Variants in CACNA1A observed in about 807,000 individuals in gnomAD.
CACNA1A encodes the protein voltage-dependent P/Q-type calcium channel subunit alpha-1A.
A neutral mutation model predicts 262.4 loss-of-function variants in CACNA1A; 57 were observed. The ratio of observed to expected loss-of-function variants is 0.22; its 90% CI spans 0.18 to 0.27. CACNA1A has a LOEUF of 0.27. Among genes scored for constraint, CACNA1A ranks in the 10% least tolerant of loss-of-function variants. CACNA1A has a pLI of 1.00. For synonymous variants in CACNA1A, 1,431 were observed against 1,419.3 expected (o/e 1.01, Z -0.18); for missense variants, 2,526 against 3,562.8 (o/e 0.71, Z 7.41).
intron 22 of CACNA1A, among the ~76,000 whole-genome samples, chr19:13,281,774 A>G (rs895698773): frequency 3.9e-5 from 6 of 152,204 alleles, no homozygotes; most frequent in Admixed American, 6.5e-5. Flanking sequence ...ATGGGGCCAC[A>G]GTGTTCTTGT....
chr19:13,299,801 G>C (rs550016120), intron 18 of CACNA1A, among the ~76,000 whole-genome samples: 1 of 152,218 alleles, frequency 6.6e-6, no homozygotes, highest in Admixed American at 6.5e-5. Context: ...TAGGTGAGCA[G>C]TCCCCAACCT....
intron 24 of CACNA1A, among the ~76,000 whole-genome samples, chr19:13,264,228 C>CCAT (rs2056810385): frequency 6.6e-6 from 1 of 152,094 alleles, no homozygotes; most frequent in South Asian, 2.1e-4. Context: ...CACTCATGAC[C>CCAT]CATCCAGTTG....
In CACNA1A at chr19:13,207,559, GC is replaced by G; in HGVS notation, c.7274del (p.Gly2425AlafsTer183). On this transcript the variant is annotated frameshift_variant, in exon 47 of 47. Coordinates refer to ENST00000360228, the MANE Select transcript of CACNA1A (RefSeq NM_001127222.2). LOFTEE classifies it high-confidence loss of function. This position sits in a 1 kb window ranked among gnomAD's most constrained non-coding sequence, Gnocchi z 5.7. ...AGGCCCCGGCCATGGCCTCCTCGCC[GC>G]CCCCGCTGCCCGGGCCATCGGCCTC... ...YDEADGPGSG[G>X]GEEAMAGAYD... The G allele has an allele frequency of 3.4e-6, 5 of 1,464,438 alleles. No homozygotes were observed. Among genetic ancestry groups the G allele is most frequent in the East Asian group, 3.0e-5 (1 of 32,978 alleles). 90.7% of individuals were successfully genotyped at this position (1,464,438 alleles called of 1,614,324 possible).
chr19:13,460,477 A>C (rs559260715), intron 1 of CACNA1A, among the ~76,000 whole-genome samples: 1 of 152,322 alleles, frequency 6.6e-6, no homozygotes, highest in East Asian at 1.9e-4. Flanking sequence ...TTTTGATGAA[A>C]TAAAAGCAAT....
At chr19:13,469,191 A>C (rs963779300) in intron 1 of CACNA1A, among the ~76,000 whole-genome samples, 4 of 152,192 alleles carry the variant, frequency 2.6e-5, no homozygotes, top group Non-Finnish European at 5.9e-5. Context: ...CAGAGGTAGC[A>C]CCAGCAGCCA....
At chr19:13,307,888 C>T (rs1250905568) in intron 14 of CACNA1A, 34 bp from the exon 15 acceptor site, 1 of 1,589,926 alleles carries the variant, frequency 6.3e-7, no homozygotes, top group Non-Finnish European at 8.6e-7. Flanking sequence ...CACGTTGGCC[C>T]CACCCGGGGT....
At chr19:13,470,709 TCCA>T (rs2061333399) in intron 1 of CACNA1A, among the ~76,000 whole-genome samples, 1 of 152,202 alleles carries the variant, frequency 6.6e-6, no homozygotes, top group Non-Finnish European at 1.5e-5. Context: ...AACGCTGCCC[TCCA>T]CCACATCTTC....
intron 37 of CACNA1A, 125 bp downstream of exon 37, chr19:13,227,306 A>G (rs2055491138): frequency 2.1e-6 from 1 of 483,404 alleles, no homozygotes; most frequent in African/African-American, 2.0e-5. Flanking sequence ...CAAAAACAAA[A>G]AAGAAGAGAA....
chr19:13,334,194 C>T, intron 8 of CACNA1A, 184 bp downstream of exon 8: 1 of 552,784 alleles, frequency 1.8e-6, no homozygotes, highest in Non-Finnish European at 3.2e-6. Context: ...ATCCTGGCTT[C>T]ATCTTAGACT....
chr19:13,279,704 C>G (rs959779600), intron 22 of CACNA1A, among the ~76,000 whole-genome samples: 1 of 152,056 alleles, frequency 6.6e-6, no homozygotes, highest in African/African-American at 2.4e-5. Flanking sequence ...AGTCTGGTCT[C>G]GAACTCCTGA....
intron 3 of CACNA1A, among the ~76,000 whole-genome samples, chr19:13,427,471 A>AATAT: frequency 6.6e-6 from 1 of 150,502 alleles, no homozygotes; most frequent in Non-Finnish European, 1.5e-5. Context: ...TAAATAAATA[A>AATAT]ATAAATAAAT....
chr19:13,425,199 GT>G (rs965925882), intron 3 of CACNA1A, among the ~76,000 whole-genome samples: 12 of 152,162 alleles, frequency 7.9e-5, no homozygotes, highest in African/African-American at 2.9e-4. Flanking sequence ...AGTCCATGTT[GT>G]TGAAACAAGA....
intron 30 of CACNA1A, among the ~76,000 whole-genome samples, chr19:13,246,362 T>A (rs2056234274): frequency 6.6e-6 from 1 of 152,140 alleles, no homozygotes; most frequent in African/African-American, 2.4e-5. Flanking sequence ...TGTGGTCACT[T>A]TCTGGTCAGT....
At chr19:13,376,169 T>C (rs1355990487) in intron 3 of CACNA1A, among the ~76,000 whole-genome samples, 1 of 152,226 alleles carries the variant, frequency 6.6e-6, no homozygotes, top group Non-Finnish European at 1.5e-5. Context: ...CAGTAAGTTA[T>C]CCAGAAGATC....
chr19:13,437,564 T>TA (rs2060632816), intron 3 of CACNA1A, among the ~76,000 whole-genome samples: 1 of 150,830 alleles, frequency 6.6e-6, no homozygotes, highest in Non-Finnish European at 1.5e-5. Context: ...GGTGGCGTGC[T>TA]CCTGTAATCC....
At chr19:13,335,492 C>G (rs567366575) in intron 7 of CACNA1A, among the ~76,000 whole-genome samples, 63 of 152,154 alleles carry the variant, frequency 4.1e-4, no homozygotes, top group African/African-American at 1.4e-3. Flanking sequence ...CAATATGGGT[C>G]AGGAAAATAC....
rs563932664 is a variant in CACNA1A at position 13,444,813 on chromosome 19, CTG to C, written c.539+8061_539+8062del. Among the ~76,000 whole-genome samples, 386 of 152,204 alleles carry C rather than the reference CTG, an allele frequency of 2.5e-3. 1 individual carries two copies. The highest frequency in any genetic ancestry group is 8.9e-3 in the African/African-American group (371 of 41,530). On this transcript the variant is annotated intron_variant, in intron 3 of 46. Coordinates refer to ENST00000360228, the MANE Select transcript of CACNA1A (RefSeq NM_001127222.2). ...CTTGTTTGTGAGTAAAACAGAAGGG[CTG>C]GACCTGCCAGAATCCATGGAGCCTT... is the stretch of plus-strand genomic sequence containing the variant.
chr19:13,336,605 G>GAGAGAA (rs2058577541), intron 6 of CACNA1A, among the ~76,000 whole-genome samples: 1 of 131,526 alleles, frequency 7.6e-6, no homozygotes, highest in African/African-American at 3.0e-5. Flanking sequence ...GAGAGAGAGA[G>GAGAGAA]AGAGAGAGAG....
chr19:13,220,585 C>T (rs959334048), intron 38 of CACNA1A, among the ~76,000 whole-genome samples: 6 of 152,168 alleles, frequency 3.9e-5, no homozygotes, highest in African/African-American at 9.7e-5. Flanking sequence ...ATTTCAGCCT[C>T]GTGAGACCCT....
Sources: gnomAD v4.1 joint callset for allele counts (sites outside exome capture counted in the v4.1 genomes callset) on GRCh38, gnomAD v4.1.1 for gene constraint, Gnocchi (gnomAD v3.1) non-coding constraint, MANE v1.5 for transcripts, NCBI Gene and HGNC (gene_info 2026-07-23, HGNC 2026-07-21) for gene names.